The following CNTNAP2 variants were observed in gnomAD, a reference collection of about 807,000 sequenced individuals.
CNTNAP2 encodes the protein contactin-associated protein-like 2.
In CNTNAP2, 98 loss-of-function variants were observed where a neutral mutation model predicts 155.2. That is an observed-to-expected ratio of 0.63 (90% CI 0.54 to 0.75). The LOEUF (loss-of-function observed/expected upper bound fraction) is 0.75. Ranked by LOEUF, CNTNAP2 falls within the 30% of genes least tolerant of loss-of-function variation. The pLI, the probability that CNTNAP2 is intolerant of heterozygous loss-of-function variation, is 0.00. For missense variants in CNTNAP2, 1,727 were observed against 1,688.1 expected (o/e 1.02, Z -0.40); for synonymous variants, 651 against 631.2 (o/e 1.03, Z -0.47).
intron 18 of CNTNAP2, among the ~76,000 whole-genome samples, chr7:148,201,994 C>A (rs921675201): frequency 7.2e-5 from 11 of 151,952 alleles, no homozygotes; most frequent in African/African-American, 2.7e-4. Flanking sequence ...GGAAGAGAGT[C>A]AATCTCACTT....
intron 3 of CNTNAP2, among the ~76,000 whole-genome samples, chr7:146,977,549 A>G (rs769478814): frequency 1.3e-5 from 2 of 152,206 alleles, no homozygotes; most frequent in Non-Finnish European, 2.9e-5. Context: ...GTGAAAGATA[A>G]TAACAGACAG....
intron 1 of CNTNAP2, among the ~76,000 whole-genome samples, chr7:146,441,731 C>G (rs149547297): frequency 1.3e-5 from 2 of 151,618 alleles, no homozygotes; most frequent in East Asian, 1.9e-4. Flanking sequence ...AGCATCGCCT[C>G]TCATCTCTTC....
intron 1 of CNTNAP2, among the ~76,000 whole-genome samples, chr7:146,447,440 T>C (rs1036927074): frequency 1.6e-4 from 24 of 152,066 alleles, no homozygotes; most frequent in Admixed American, 1.3e-3. Flanking sequence ...GTTTCACCTA[T>C]TATGTTATAT....
intron 1 of CNTNAP2, among the ~76,000 whole-genome samples, chr7:146,332,823 C>T (rs1419751804): frequency 5.3e-5 from 8 of 151,930 alleles, no homozygotes; most frequent in African/African-American, 1.9e-4. Flanking sequence ...GAAACATATC[C>T]CTAACCCAGA....
At chr7:147,799,413 G>T (rs1797952524) in intron 13 of CNTNAP2, among the ~76,000 whole-genome samples, 1 of 152,124 alleles carries the variant, frequency 6.6e-6, no homozygotes, top group African/African-American at 2.4e-5. Flanking sequence ...GGTACTGGAT[G>T]AGCATTGGGA....
chr7:147,271,560 G>T (rs576350552), intron 8 of CNTNAP2, among the ~76,000 whole-genome samples: 1 of 152,282 alleles, frequency 6.6e-6, no homozygotes, highest in African/African-American at 2.4e-5. Flanking sequence ...TAAAGAAAAA[G>T]AGGCTTAATG....
chr7:146,854,042 A>C (rs777882931), intron 3 of CNTNAP2, among the ~76,000 whole-genome samples: 3 of 152,198 alleles, frequency 2.0e-5, no homozygotes, highest in Non-Finnish European at 4.4e-5. Flanking sequence ...AAAACAACAG[A>C]GTTTGCAGCA....
intron 1 of CNTNAP2, among the ~76,000 whole-genome samples, chr7:146,670,174 T>G (rs1369480712): frequency 6.6e-6 from 1 of 152,212 alleles, no homozygotes; most frequent in African/African-American, 2.4e-5. Flanking sequence ...ATTCTTTTTG[T>G]GTAACTAGAA....
At chr7:146,736,328 A>T (rs943753223) in intron 1 of CNTNAP2, among the ~76,000 whole-genome samples, 7 of 152,160 alleles carry the variant, frequency 4.6e-5, no homozygotes, top group African/African-American at 1.7e-4. Context: ...GAACTATAAA[A>T]AAAAGTCAAA....
At chr7:147,214,219 T>A (rs891265701) in intron 8 of CNTNAP2, among the ~76,000 whole-genome samples, 5 of 152,222 alleles carry the variant, frequency 3.3e-5, no homozygotes, top group African/African-American at 1.2e-4. Context: ...CAAAGGAATT[T>A]AAATTGTTTG....
At chr7:148,038,229 T>C (rs2116473644) in intron 15 of CNTNAP2, among the ~76,000 whole-genome samples, 1 of 152,308 alleles carries the variant, frequency 6.6e-6, no homozygotes, top group South Asian at 2.1e-4. Context: ...CCTCAACCTG[T>C]CCATCAACCC....
intron 20 of CNTNAP2, among the ~76,000 whole-genome samples, chr7:148,247,621 C>CTATTTATT (rs1365333273): frequency 2.3e-5 from 3 of 132,848 alleles, no homozygotes; most frequent in African/African-American, 9.1e-5. Context: ...CTCTCTCTCT[C>CTATTTATT]TCTCTATTTA....
intron 3 of CNTNAP2, among the ~76,000 whole-genome samples, chr7:146,928,357 A>G (rs1472423482): frequency 6.6e-6 from 1 of 152,190 alleles, no homozygotes; most frequent in African/African-American, 2.4e-5. Flanking sequence ...GGATATGGAT[A>G]TGTTTCCATG....
chr7:146,253,239 A>G (rs1243350973), intron 1 of CNTNAP2, among the ~76,000 whole-genome samples: 2 of 152,138 alleles, frequency 1.3e-5, no homozygotes, highest in African/African-American at 2.4e-5. Flanking sequence ...GTCTGTATCC[A>G]TGAATTTCTC....
At chr7:147,130,735 TC>T (rs1279604872) in intron 7 of CNTNAP2, among the ~76,000 whole-genome samples, 1 of 152,090 alleles carries the variant, frequency 6.6e-6, no homozygotes, top group Non-Finnish European at 1.5e-5. Flanking sequence ...TTCTACCTCC[TC>T]TTCCCCCACA....
intron 8 of CNTNAP2, among the ~76,000 whole-genome samples, chr7:147,203,533 CTTAATT>C (rs770188066): frequency 3.8e-4 from 58 of 152,092 alleles, no homozygotes; most frequent in Non-Finnish European, 1.2e-4. Flanking sequence ...CGCCCAGGCT[CTTAATT>C]TTAATTTTAA....
At chr7:147,285,312 G>A (rs1479056859) in intron 8 of CNTNAP2, among the ~76,000 whole-genome samples, 3 of 151,744 alleles carry the variant, frequency 2.0e-5, no homozygotes, top group Non-Finnish European at 4.4e-5. Flanking sequence ...TATCTCACTC[G>A]TGTTACCCAG....
Position 146,883,394 on chromosome 7 carries a change from A to C in CNTNAP2, c.402+43490A>C, listed in dbSNP as rs1336198242. On this transcript the variant is annotated intron_variant, in intron 3 of 23. Coordinates refer to ENST00000361727, the MANE Select transcript of CNTNAP2 (RefSeq NM_014141.6). ...AGTTGCTAGTAGTAATTCTCAAAAA[A>C]TACGTTTTTTTCTATGTGTTCAAAT... Among the ~76,000 whole-genome samples the C allele has an allele frequency of 2.6e-5, 4 of 152,214 alleles. No individual in the cohort carries two copies. In the East Asian group the frequency reaches 7.8e-4, roughly 30 times the overall value.
chr7:148,380,107 C>T (rs1175535994), intron 21 of CNTNAP2, among the ~76,000 whole-genome samples: 1 of 152,196 alleles, frequency 6.6e-6, no homozygotes, highest in Non-Finnish European at 1.5e-5. Context: ...TTGAGAATCT[C>T]ATTTTAAAGT....
Sources: gnomAD v4.1 joint callset for allele counts (sites outside exome capture counted in the v4.1 genomes callset) on GRCh38, gnomAD v4.1.1 for gene constraint, MANE v1.5 for transcripts, NCBI Gene and HGNC (gene_info 2026-07-23, HGNC 2026-07-21) for gene names.